The following CNTN1 variants were observed in gnomAD, a reference collection of about 807,000 sequenced individuals.
The protein encoded by CNTN1 is contactin 1.
Under a neutral mutation model 126.4 loss-of-function variants are expected in CNTN1, and 38 were observed. The ratio of observed to expected loss-of-function variants is 0.30; its 90% CI spans 0.23 to 0.39. The LOEUF (loss-of-function observed/expected upper bound fraction) is 0.39. CNTN1 is among the 10% of genes least tolerant of loss of function. CNTN1 has a pLI of 1.00. For synonymous variants in CNTN1, 413 were observed against 422.6 expected, an observed-to-expected ratio of 0.98 and a Z score of 0.28; for missense variants, 1,009 against 1,248.4, an observed-to-expected ratio of 0.81 and a Z score of 2.89.
chr12:40,943,089 T>C (rs996206760), intron 12 of CNTN1, among the ~76,000 whole-genome samples: 9 of 152,148 alleles, frequency 5.9e-5, no homozygotes, highest in South Asian at 2.1e-4. Flanking sequence ...TAGGGAAATA[T>C]GTGTAGTATG....
intron 1 of CNTN1, among the ~76,000 whole-genome samples, chr12:40,724,991 TACAAAAGACAAATGAC>T (rs1179869243): frequency 2.0e-5 from 3 of 152,116 alleles, no homozygotes; most frequent in Admixed American, 2.0e-4. Flanking sequence ...AGACCAAAAT[TACAAAAGACAAATGAC>T]ATGTGACCAA....
intron 1 of CNTN1, among the ~76,000 whole-genome samples, chr12:40,813,718 G>A (rs1046175578): frequency 1.3e-5 from 2 of 152,156 alleles, no homozygotes; most frequent in Admixed American, 1.3e-4. Context: ...CCAGTAATGG[G>A]ATTGCTGGGT....
intron 1 of CNTN1, among the ~76,000 whole-genome samples, chr12:40,848,061 C>T (rs2583992): frequency 0.53 from 80,541 of 151,990 alleles, 21,999 homozygotes; most frequent in East Asian, 0.76. Context: ...TGCTGTGCGG[C>T]CCCCTTCCTA....
chr12:40,937,702 T>C lies in CNTN1; in HGVS notation c.1228+15T>C, dbSNP rs1946127687. 13 of 1,392,522 alleles carry C rather than the reference T, an allele frequency of 9.3e-6. No homozygotes were observed. The highest frequency in any genetic ancestry group is 1.3e-5 in the Non-Finnish European group (13 of 978,310). 86.3% of individuals were successfully genotyped at this position (1,392,522 alleles called of 1,614,324 possible). A position where few individuals can be genotyped will look rare whatever the true frequency, so the allele number is the denominator to read the frequency against. On this transcript the variant is annotated intron_variant, in intron 11 of 23. Coordinates refer to ENST00000551295, the MANE Select transcript of CNTN1 (RefSeq NM_001843.4). ...GAAGATCTTGGGTCAGTATCATTTC[T>C]AATTTCTGTTAAACATTGTTAAAGC...
At chr12:40,725,921 A>AG (rs1565652249) in intron 1 of CNTN1, among the ~76,000 whole-genome samples, 1 of 152,156 alleles carries the variant, frequency 6.6e-6, no homozygotes, top group African/African-American at 2.4e-5. Flanking sequence ...TTAAAAAAAA[A>AG]AACAGCAAAC....
At chr12:40,741,213 G>T (rs188225447) in intron 1 of CNTN1, among the ~76,000 whole-genome samples, 2 of 152,194 alleles carry the variant, frequency 1.3e-5, no homozygotes, top group Admixed American at 1.3e-4. Context: ...GGGATAGCAA[G>T]CTGGACAGAT....
At chr12:41,007,908 C>T (rs761724267) in intron 17 of CNTN1, among the ~76,000 whole-genome samples, 2 of 152,170 alleles carry the variant, frequency 1.3e-5, no homozygotes, top group African/African-American at 4.8e-5. Context: ...TTACAGGCTG[C>T]TCTTTGTTAG....
chr12:40,776,124 GT>G (rs1939567804), intron 1 of CNTN1, among the ~76,000 whole-genome samples: 1 of 151,388 alleles, frequency 6.6e-6, no homozygotes, highest in African/African-American at 2.4e-5. Context: ...TTATTCCTTT[GT>G]TTTAAATTTC....
chr12:40,932,234 A>G (rs1458958085), intron 7 of CNTN1, among the ~76,000 whole-genome samples: 2 of 151,946 alleles, frequency 1.3e-5, no homozygotes, highest in East Asian at 3.9e-4. Context: ...AGATAATTGA[A>G]TCATGGGGGG....
chr12:40,952,448 T>C (rs1362554035), intron 14 of CNTN1, among the ~76,000 whole-genome samples: 1 of 152,108 alleles, frequency 6.6e-6, no homozygotes, highest in African/African-American at 2.4e-5. Flanking sequence ...AAATTAGATT[T>C]GGTAATAGTA....
chr12:41,007,153 G>T (rs1014894514), intron 17 of CNTN1, among the ~76,000 whole-genome samples: 2 of 140,152 alleles, frequency 1.4e-5, no homozygotes, highest in Non-Finnish European at 3.0e-5. Context: ...TCCGCCTCCC[G>T]GGTTCACGCC....
At chr12:40,834,991 G>T (rs1941996142) in intron 1 of CNTN1, among the ~76,000 whole-genome samples, 1 of 152,126 alleles carries the variant, frequency 6.6e-6, no homozygotes, top group Non-Finnish European at 1.5e-5. Flanking sequence ...CGGGGACCTG[G>T]CTGGAAAATA....
At chr12:40,873,376 G>A (rs1457301609) in intron 1 of CNTN1, among the ~76,000 whole-genome samples, 1 of 152,098 alleles carries the variant, frequency 6.6e-6, no homozygotes, top group East Asian at 1.9e-4. Flanking sequence ...CTTAACTCAT[G>A]CCTCAAAGGA....
chr12:40,784,617 C>T (rs1222979713), intron 1 of CNTN1, among the ~76,000 whole-genome samples: 1 of 152,040 alleles, frequency 6.6e-6, no homozygotes, highest in Non-Finnish European at 1.5e-5. Flanking sequence ...CAAGCAAGTG[C>T]CAAGCTTGGA....
At position 40,784,485 on chromosome 12, in the gene CNTN1, ATAAAT is replaced by A. The variant is rs563005697; in HGVS notation, c.-77+91894_-77+91898del. ...TCGAGGGTTCTCTTTCTGGCAGGTT[ATAAAT>A]GAAAAACTCTAAAATGTGACTGTAA... On this transcript the variant is annotated intron_variant, in intron 1 of 23. Coordinates refer to ENST00000551295, the MANE Select transcript of CNTN1 (RefSeq NM_001843.4). Among the ~76,000 whole-genome samples the A allele has an allele frequency of 1.0e-3, 154 of 152,304 alleles. No individual in the cohort carries two copies. The Middle Eastern group carries it at 0.031, about 30-fold the overall frequency.
intron 1 of CNTN1, among the ~76,000 whole-genome samples, chr12:40,718,641 A>T (rs1437172014): frequency 6.6e-6 from 1 of 152,206 alleles, no homozygotes; most frequent in Admixed American, 6.5e-5. Context: ...AAAACCCATC[A>T]TGTTGCAGCA....
rs147149412 is a variant in CNTN1, at chr12:40,716,047, G to A, written c.-77+23455G>A. 1.8e-4 allele frequency among the ~76,000 whole-genome samples: 27 copies of A among 151,956 alleles called. 1 individual carries two copies. The highest frequency in any genetic ancestry group is 5.5e-4 in the African/African-American group (23 of 41,448). On this transcript the variant is annotated intron_variant, in intron 1 of 23. Coordinates refer to ENST00000551295, the MANE Select transcript of CNTN1 (RefSeq NM_001843.4). ...TTCTTTATGTCAGGCACTACAGAGG[G>A]CATTCTAAAAATACTATCTCTAAGC...
At chr12:41,054,933 A>C (rs1949768664) in intron 23 of CNTN1, among the ~76,000 whole-genome samples, 1 of 152,184 alleles carries the variant, frequency 6.6e-6, no homozygotes, top group Non-Finnish European at 1.5e-5. Flanking sequence ...ATTTTTAATT[A>C]GACGAAATCC....
chr12:40,806,680 T>C (rs187227413), intron 1 of CNTN1, among the ~76,000 whole-genome samples: 2 of 152,292 alleles, frequency 1.3e-5, no homozygotes, highest in Admixed American at 1.3e-4. Flanking sequence ...TATTTCAGAT[T>C]GACATGGTAG....
Sources: gnomAD v4.1 joint callset for allele counts (sites outside exome capture counted in the v4.1 genomes callset) on GRCh38, gnomAD v4.1.1 for gene constraint, MANE v1.5 for transcripts, NCBI Gene and HGNC (gene_info 2026-07-23, HGNC 2026-07-21) for gene names.